Variants in RPS6KC1 observed in about 807,000 individuals in gnomAD.
The protein encoded by RPS6KC1 is inactive ribosomal protein S6 kinase delta-1.
A neutral mutation model predicts 103.8 loss-of-function variants in RPS6KC1; 54 were observed. That is an observed-to-expected ratio of 0.52 (90% CI 0.42 to 0.65). RPS6KC1 has a LOEUF of 0.65. Ranked by LOEUF, RPS6KC1 falls within the 30% of genes least tolerant of loss-of-function variation. RPS6KC1 has a pLI of 0.00. For synonymous variants in RPS6KC1, 439 were observed against 438.7 expected, an observed-to-expected ratio of 1.00 and a Z score of -0.01; for missense variants, 1,151 against 1,253.8, an observed-to-expected ratio of 0.92 and a Z score of 1.24.
At chr1:213,228,796 C>T (rs1200227121) in intron 8 of RPS6KC1, among the ~76,000 whole-genome samples, 2 of 152,048 alleles carry the variant, frequency 1.3e-5, no homozygotes, top group Non-Finnish European at 2.9e-5. Context: ...ATATTGATTA[C>T]ACCTGGGTAA....
intron 14 of RPS6KC1, among the ~76,000 whole-genome samples, chr1:213,268,370 A>C (rs1237398210): frequency 1.3e-5 from 2 of 151,906 alleles, no homozygotes; most frequent in Non-Finnish European, 2.9e-5. Flanking sequence ...CCAAATATAG[A>C]AAGACTGGGA....
chr1:213,623,505 A>G, the RPS6KC1 span, among the ~76,000 whole-genome samples: 4 of 152,128 alleles, frequency 2.6e-5, no homozygotes, highest in Non-Finnish European at 4.4e-5. Flanking sequence ...TTACAGTCTA[A>G]TGAGGGACTG....
chr1:213,754,780 C>T, the RPS6KC1 span, among the ~76,000 whole-genome samples: 1 of 152,190 alleles, frequency 6.6e-6, no homozygotes, highest in South Asian at 2.1e-4. Flanking sequence ...ACTACTACAA[C>T]CCCATTTCCA....
the RPS6KC1 span, among the ~76,000 whole-genome samples, chr1:213,453,084 T>C: frequency 1.3e-5 from 2 of 152,024 alleles, no homozygotes; most frequent in Admixed American, 1.3e-4. Context: ...CCTCCCATCA[T>C]TTCATCTCGT....
Position 213,261,645 on chromosome 1 carries a change from G to A in RPS6KC1, c.2994+5G>A. ...TTTGAACTTCTCACTGGCAAGGTAA[G>A]CAGTGGCCTGGACGTTTAATAAATT... On this transcript the variant is annotated splice_donor_5th_base_variant and intron_variant, in intron 13 of 14. Coordinates refer to ENST00000366960, the MANE Select transcript of RPS6KC1 (RefSeq NM_012424.6). The A allele has an allele frequency of 1.2e-6, 2 of 1,611,392 alleles. No individual in the cohort carries two copies. Among genetic ancestry groups the A allele is most frequent in the Non-Finnish European group, 1.7e-6 (2 of 1,177,540 alleles).
the RPS6KC1 span, among the ~76,000 whole-genome samples, chr1:213,583,189 T>C: frequency 6.6e-6 from 1 of 152,226 alleles, no homozygotes; most frequent in African/African-American, 2.4e-5. Context: ...ATTTCCAGTC[T>C]GGGGCTATTA....
intron 8 of RPS6KC1, among the ~76,000 whole-genome samples, chr1:213,203,152 T>G (rs1434733494): frequency 2.0e-5 from 3 of 152,112 alleles, no homozygotes; most frequent in African/African-American, 7.2e-5. Context: ...GGACCAGAGG[T>G]GTTTCAGATT....
At chr1:213,180,666 GA>G (rs969341319) in intron 8 of RPS6KC1, among the ~76,000 whole-genome samples, 13 of 151,824 alleles carry the variant, frequency 8.6e-5, no homozygotes, top group Non-Finnish European at 1.5e-4. Context: ...GAAATTAGCG[GA>G]AAAAAAACTC....
the RPS6KC1 span, among the ~76,000 whole-genome samples, chr1:213,542,454 A>G: frequency 6.6e-6 from 1 of 152,162 alleles, no homozygotes; most frequent in Non-Finnish European, 1.5e-5. Flanking sequence ...GGTACAACAC[A>G]GGTGGCATCC....
At chr1:213,800,281 CCA>C in the RPS6KC1 span, among the ~76,000 whole-genome samples, 1 of 152,158 alleles carries the variant, frequency 6.6e-6, no homozygotes, top group South Asian at 2.1e-4. Flanking sequence ...GGCAGGAAGA[CCA>C]CAGTTACAGC....
the RPS6KC1 span, among the ~76,000 whole-genome samples, chr1:213,432,833 ATTG>A: frequency 6.7e-6 from 1 of 149,288 alleles, no homozygotes; most frequent in Admixed American, 6.7e-5. Flanking sequence ...CATTTCTTTT[ATTG>A]TTGAGTAATT....
chr1:213,391,904 A>T, the RPS6KC1 span, among the ~76,000 whole-genome samples: 1 of 152,220 alleles, frequency 6.6e-6, no homozygotes, highest in African/African-American at 2.4e-5. Flanking sequence ...GACAAGGAAG[A>T]TACTTGTCTT....
chr1:213,176,667 T>G, intron 8 of RPS6KC1, 175 bp downstream of exon 8: 1 of 425,546 alleles, frequency 2.3e-6, no homozygotes, highest in Non-Finnish European at 4.3e-6. Flanking sequence ...GAGCAATTCA[T>G]GTAAGGTCAT....
chr1:213,245,222 T>C (rs566617563), intron 12 of RPS6KC1, among the ~76,000 whole-genome samples: 1 of 152,264 alleles, frequency 6.6e-6, no homozygotes, highest in East Asian at 1.9e-4. Context: ...TAGGTTTTCC[T>C]CTCCTCAAAG....
At chr1:213,333,268 T>C in the RPS6KC1 span, among the ~76,000 whole-genome samples, 5 of 152,246 alleles carry the variant, frequency 3.3e-5, no homozygotes, top group East Asian at 9.6e-4. Flanking sequence ...CCACAATTCC[T>C]GCTGTTTCTT....
At chr1:213,641,494 T>C in the RPS6KC1 span, among the ~76,000 whole-genome samples, 1 of 152,102 alleles carries the variant, frequency 6.6e-6, no homozygotes, top group Non-Finnish European at 1.5e-5. Flanking sequence ...GTTCCACTTT[T>C]AGTCTTGCAA....
At chr1:213,503,055 A>G in the RPS6KC1 span, among the ~76,000 whole-genome samples, 1 of 152,018 alleles carries the variant, frequency 6.6e-6, no homozygotes, top group Non-Finnish European at 1.5e-5. Context: ...TCCTCTTTCT[A>G]AAAAGTGGCT....
At chr1:213,541,635 C>A in the RPS6KC1 span, among the ~76,000 whole-genome samples, 2 of 152,102 alleles carry the variant, frequency 1.3e-5, no homozygotes, top group Non-Finnish European at 2.9e-5. Context: ...TAACCACAAA[C>A]CATTAAAAGC....
intron 12 of RPS6KC1, among the ~76,000 whole-genome samples, chr1:213,248,436 C>T (rs1261508343): frequency 6.6e-6 from 1 of 152,036 alleles, no homozygotes; most frequent in African/African-American, 2.4e-5. Context: ...TCATAAAAAC[C>T]AAATCTATTT....
Sources: allele counts gnomAD v4.1 joint callset (sites outside exome capture counted in the v4.1 genomes callset), GRCh38; gene constraint gnomAD v4.1.1; transcripts MANE v1.5; gene names NCBI Gene and HGNC (gene_info 2026-07-23, HGNC 2026-07-21).